GPATCH2: variants seen among roughly 807,000 people sequenced by gnomAD.
GPATCH2 encodes G-patch domain containing 2.
Under a neutral mutation model 58.0 loss-of-function variants are expected in GPATCH2, and 51 were observed. That is an observed-to-expected ratio of 0.88 (90% confidence interval 0.70 to 1.11). The LOEUF (loss-of-function observed/expected upper bound fraction) is 1.11, where lower values mean the gene tolerates loss of function less well. GPATCH2 is among the 50% of genes most tolerant of loss of function. GPATCH2 has a pLI of 0.00. For synonymous variants in GPATCH2, 222 were observed against 218.5 expected, an observed-to-expected ratio of 1.02 and a Z score of -0.14; for missense variants, 625 against 652.2, an observed-to-expected ratio of 0.96 and a Z score of 0.45.
intron 6 of GPATCH2, among the ~76,000 whole-genome samples, chr1:217,510,113 A>G (rs978478310): frequency 2.6e-5 from 4 of 152,178 alleles, no homozygotes; most frequent in Non-Finnish European, 5.9e-5. Flanking sequence ...AAAGCATGCT[A>G]TACAACAGTG....
chr1:217,565,798 T>C lies in GPATCH2; in HGVS notation c.1098+44523A>G, dbSNP rs138003906. 4.8e-3 allele frequency among the ~76,000 whole-genome samples: 729 copies of C among 152,080 alleles called. 9 individuals are homozygous for C. Among genetic ancestry groups the C allele is most frequent in the African/African-American group, 0.017 (687 of 41,516 alleles). On this transcript the variant is annotated intron_variant, in intron 5 of 9. Transcript: ENST00000366935. ...CTTTTCTGTGCGATCCAACCTAATA[T>C]CTACAGTAAGAGAGATCTCTAGGCC...
intron 8 of GPATCH2, among the ~76,000 whole-genome samples, chr1:217,460,295 AT>A (rs1660147441): frequency 6.6e-6 from 1 of 152,228 alleles, no homozygotes; most frequent in African/African-American, 2.4e-5. Flanking sequence ...ACCTTACTAC[AT>A]CATCCAACGT....
chr1:217,560,292 A>G (rs1246419406), intron 5 of GPATCH2, among the ~76,000 whole-genome samples: 1 of 152,178 alleles, frequency 6.6e-6, no homozygotes, highest in Non-Finnish European at 1.5e-5. Context: ...CTATACCCAC[A>G]GTATCCTATT....
chr1:217,549,714 T>C (rs540757279), intron 5 of GPATCH2, among the ~76,000 whole-genome samples: 1 of 152,276 alleles, frequency 6.6e-6, no homozygotes, highest in Non-Finnish European at 1.5e-5. Flanking sequence ...AAACGAAGAA[T>C]TGACCAATTT....
rs1399460771 is a variant in GPATCH2, at chr1:217,617,545, GC to G, written c.773+2237del. ...TTGTTAAATCTGACACACACACACAGCCCCCCACACTGAAGTTTCTCTTATT... is the reference window on the plus strand; with the variant it reads ...TTGTTAAATCTGACACACACACACAGCCCCCACACTGAAGTTTCTCTTATT... On this transcript the variant is annotated intron_variant, in intron 2 of 9. Transcript: ENST00000366935. 2.0e-5 allele frequency among the ~76,000 whole-genome samples: 3 copies of G among 152,056 alleles called. No homozygotes were observed. The South Asian group carries it at 6.2e-4, about 32-fold the overall frequency.
At chr1:217,606,930 T>G (rs1668386342) in intron 5 of GPATCH2, among the ~76,000 whole-genome samples, 1 of 152,096 alleles carries the variant, frequency 6.6e-6, no homozygotes, top group African/African-American at 2.4e-5. Flanking sequence ...TTTAAAAACC[T>G]GACGACACTT....
intron 8 of GPATCH2, among the ~76,000 whole-genome samples, chr1:217,460,962 A>G (rs1294493951): frequency 6.6e-6 from 1 of 152,218 alleles, no homozygotes; most frequent in East Asian, 1.9e-4. Flanking sequence ...TGAAGACTGA[A>G]TTCAGCTTTG....
At position 217,454,588 on chromosome 1, in the gene GPATCH2, C is replaced by CAAA. The variant is rs34571192; in HGVS notation, c.1278-5254_1278-5252dup. ...TGGGCGACAGAGCGAGACTCTGTCT[C>CAAA]AAAAAAAAAAAAAAAAAAAAAACCT... On this transcript the variant is annotated intron_variant, in intron 8 of 9. Coordinates refer to ENST00000366935, the MANE Select transcript of GPATCH2 (RefSeq NM_018040.5). 7.7e-3 allele frequency among the ~76,000 whole-genome samples: 454 copies of CAAA among 59,028 alleles called. 11 individuals are homozygous for CAAA. The highest frequency in any genetic ancestry group is 0.024 in the African/African-American group (312 of 12,924). 38.7% of individuals were successfully genotyped at this position (59,028 alleles called of 152,430 possible).
intron 8 of GPATCH2, among the ~76,000 whole-genome samples, chr1:217,468,487 C>CA (rs1374484671): frequency 6.9e-6 from 1 of 145,150 alleles, no homozygotes; most frequent in Admixed American, 7.0e-5. Context: ...TGTCTTCAAC[C>CA]AAAAAATGTC....
In GPATCH2 at chr1:217,583,481, G is replaced by C. The variant is rs536325029; in HGVS notation, c.1098+26840C>G. ...AGCTACTCAGGAGGCTGAGGCAGGA[G>C]AGTTGCATGAACCTGGGAGGCAGAG... On this transcript the variant is annotated intron_variant, in intron 5 of 9. Transcript: ENST00000366935. Among the ~76,000 whole-genome samples the C allele has an allele frequency of 4.0e-5, 6 of 149,222 alleles. No homozygotes were observed. In the South Asian group the frequency reaches 1.3e-3, roughly 32 times the overall value.
At chr1:217,464,315 T>C (rs560284047) in intron 8 of GPATCH2, among the ~76,000 whole-genome samples, 8 of 152,212 alleles carry the variant, frequency 5.3e-5, no homozygotes, top group African/African-American at 9.6e-5. Flanking sequence ...ATATAAACTA[T>C]TGGCAGCTAT....
At position 217,499,780 on chromosome 1, in the gene GPATCH2, C is replaced by T. The variant is rs115161392; in HGVS notation, c.1167-1385G>A. On this transcript the variant is annotated intron_variant, in intron 6 of 9. Transcript: ENST00000366935. ...GACAAACATTTTTCTTAAACGCATT[C>T]GCACAGTTTAAAAGAAAAAAACTAA... Among the ~76,000 whole-genome samples, 1,270 of 149,446 alleles carry T rather than the reference C, an allele frequency of 8.5e-3. 7 individuals carry two copies. Among genetic ancestry groups the T allele is most frequent in the Middle Eastern group, 0.045 (13 of 288 alleles).
At chr1:217,444,769 G>A (rs906185100) in intron 9 of GPATCH2, among the ~76,000 whole-genome samples, 55 of 152,230 alleles carry the variant, frequency 3.6e-4, no homozygotes, top group African/African-American at 1.1e-3. Context: ...TCTTGAAAGA[G>A]CTACAATAAT....
At chr1:217,453,910 C>T (rs1019052116) in intron 8 of GPATCH2, among the ~76,000 whole-genome samples, 7 of 152,160 alleles carry the variant, frequency 4.6e-5, no homozygotes, top group Non-Finnish European at 1.0e-4. Context: ...CAAGCAGCCT[C>T]GGACAAGCTG....
At chr1:217,528,168 C>T (rs2184010) in intron 5 of GPATCH2, among the ~76,000 whole-genome samples, 92,048 of 151,918 alleles carry the variant, frequency 0.61, 29,040 homozygotes, top group East Asian at 0.92. Flanking sequence ...GTTGGATAGG[C>T]AACAAAGGTT....
intron 5 of GPATCH2, among the ~76,000 whole-genome samples, chr1:217,532,910 T>C (rs984221862): frequency 8.9e-5 from 13 of 145,704 alleles, no homozygotes; most frequent in African/African-American, 3.1e-4. Context: ...GTTTTTTTTT[T>C]TTTTTTGAGA....
At chr1:217,530,733 CTT>C (rs1664145578) in intron 5 of GPATCH2, among the ~76,000 whole-genome samples, 1 of 152,154 alleles carries the variant, frequency 6.6e-6, no homozygotes, top group South Asian at 2.1e-4. Flanking sequence ...AAAATAGTTA[CTT>C]AAAGCCTGTG....
rs551849011 is a variant in GPATCH2 at position 217,608,284 on chromosome 1, G to A, written c.1098+2037C>T. ...TTCAGGGTTGAAAGAAAGAAAACCCGAAGGAGTCCATTGTCTTCAGTAAAG... is the reference window on the plus strand; with the variant it reads ...TTCAGGGTTGAAAGAAAGAAAACCCAAAGGAGTCCATTGTCTTCAGTAAAG... On this transcript the variant is annotated intron_variant, in intron 5 of 9. Coordinates refer to ENST00000366935, the MANE Select transcript of GPATCH2 (RefSeq NM_018040.5). The A allele has an allele frequency of 1.1e-4, 108 of 978,072 alleles. 1 individual carries two copies. The African/African-American group carries it at 1.3e-3, about 12-fold the overall frequency. 60.6% of individuals were successfully genotyped at this position (978,072 alleles called of 1,614,324 possible). A position where few individuals can be genotyped will look rare whatever the true frequency, so the allele number is the denominator to read the frequency against.
In GPATCH2 at chr1:217,564,239, C is replaced by T. The variant is rs578063373; in HGVS notation, c.1098+46082G>A. On this transcript the variant is annotated intron_variant, in intron 5 of 9. Coordinates refer to ENST00000366935, the MANE Select transcript of GPATCH2 (RefSeq NM_018040.5). ...GTTATTTGCAAATTGAGCAAGAGGA[C>T]CAGATGATAGCCATATATAATCAGT... is the stretch of plus-strand genomic sequence containing the variant. Among the ~76,000 whole-genome samples, 85 of 152,094 alleles carry T rather than the reference C, an allele frequency of 5.6e-4. No homozygotes were observed. The South Asian group carries it at 6.8e-3, about 12-fold the overall frequency.
Sources: allele counts gnomAD v4.1 joint callset (sites outside exome capture counted in the v4.1 genomes callset), GRCh38; gene constraint gnomAD v4.1.1; transcripts MANE v1.5; gene names NCBI Gene and HGNC (gene_info 2026-07-23, HGNC 2026-07-21).